HS6ST2: variants seen among roughly 807,000 people sequenced by gnomAD.
HS6ST2 encodes heparan sulfate 6-O-sulfotransferase 2, also known as heparan-sulfate 6-O-sulfotransferase 2.
In HS6ST2, 17 loss-of-function variants were observed where a neutral mutation model predicts 33.0. That is an observed-to-expected ratio of 0.52 (90% CI 0.35 to 0.77). The LOEUF (loss-of-function observed/expected upper bound fraction) is 0.77, where lower values mean the gene tolerates loss of function less well. Ranked by LOEUF, HS6ST2 falls within the 30% of genes least tolerant of loss-of-function variation. HS6ST2 has a pLI of 0.01. For missense variants in HS6ST2, 519 were observed against 551.7 expected (o/e 0.94, Z 0.59); for synonymous variants, 248 against 237.1 (o/e 1.05, Z -0.42).
chrX:132,909,766 G>A (rs2066514253), intron 2 of HS6ST2, among the ~76,000 whole-genome samples: 1 of 110,919 alleles, frequency 9.0e-6, no homozygotes, highest in Non-Finnish European at 1.9e-5. Flanking sequence ...TCTTACCCTG[G>A]TTTCCCTCCA....
chrX:132,648,925 T>C (rs781327292), intron 4 of HS6ST2, among the ~76,000 whole-genome samples: 2 of 112,037 alleles, frequency 1.8e-5, no homozygotes, highest in African/African-American at 6.5e-5. Context: ...GAAATGTGTG[T>C]GGGGTAACAC....
intron 2 of HS6ST2, among the ~76,000 whole-genome samples, chrX:132,863,047 A>G (rs1485422404): frequency 8.9e-6 from 1 of 111,824 alleles, no homozygotes; most frequent in Non-Finnish European, 1.9e-5. Flanking sequence ...ATTCTTCAGG[A>G]TTGGGATCTG....
At chrX:132,865,749 T>C (rs1340238553) in intron 2 of HS6ST2, among the ~76,000 whole-genome samples, 24 of 112,596 alleles carry the variant, frequency 2.1e-4, no homozygotes, top group African/African-American at 7.1e-4. Context: ...CATTATTTCA[T>C]GTGTTTTTTG....
intron 2 of HS6ST2, among the ~76,000 whole-genome samples, chrX:132,883,333 A>G (rs1370020158): frequency 4.5e-5 from 5 of 111,267 alleles, no homozygotes; most frequent in Admixed American, 9.6e-5. Flanking sequence ...TCAGGGATTC[A>G]ACTTCTTCCT....
In HS6ST2 at chrX:132,752,979, C is replaced by T. The variant is rs541272145; in HGVS notation, c.948-44485G>A. Among the ~76,000 whole-genome samples, 59 of 112,389 alleles carry T rather than the reference C, an allele frequency of 5.2e-4. No homozygotes were observed. The South Asian group carries it at 0.021, about 41-fold the overall frequency. On this transcript the variant is annotated intron_variant, in intron 2 of 4. Coordinates refer to ENST00000370833, the MANE Select transcript of HS6ST2 (RefSeq NM_001394073.1). The stretch of plus-strand genomic sequence containing the variant: ...CTATCTGAGAGGCAGGCCCAGGCAG[C>T]AGAGGGGCCAATGCTCTTTGCGAGG...
At chrX:132,961,177 G>A (rs772642844), upstream of HS6ST2, 1 of 109,196 alleles carries the variant, frequency 9.2e-6, no homozygotes, top group East Asian at 2.9e-4. Context: ...TCAAGTGTTC[G>A]GTTTTCCATC....
chrX:132,854,273 A>G (rs960826000), intron 2 of HS6ST2, among the ~76,000 whole-genome samples: 2 of 112,412 alleles, frequency 1.8e-5, no homozygotes, highest in Non-Finnish European at 3.8e-5. Context: ...ACTCAGACTT[A>G]ATTACTTTTC....
At chrX:132,940,741 A>G (rs894024748) in intron 2 of HS6ST2, among the ~76,000 whole-genome samples, 9 of 111,623 alleles carry the variant, frequency 8.1e-5, no homozygotes, top group African/African-American at 2.3e-4. Flanking sequence ...ACAACTTCAC[A>G]CTCCTAAGAT....
intron 2 of HS6ST2, among the ~76,000 whole-genome samples, chrX:132,781,215 C>T (rs2065014299): frequency 8.9e-6 from 1 of 111,877 alleles, no homozygotes; most frequent in African/African-American, 3.3e-5. Context: ...GACAATAACC[C>T]AATTGGTTTG....
At chrX:132,946,731 C>T (rs915878864) in intron 2 of HS6ST2, among the ~76,000 whole-genome samples, 5 of 111,728 alleles carry the variant, frequency 4.5e-5, no homozygotes, top group African/African-American at 6.5e-5. Flanking sequence ...TAAACCTGCA[C>T]GTTGTGCACA....
intron 2 of HS6ST2, among the ~76,000 whole-genome samples, chrX:132,827,233 C>T: frequency 9.0e-6 from 1 of 111,451 alleles, no homozygotes; most frequent in East Asian, 2.8e-4. Context: ...TTTGTCACAG[C>T]ATTATTCAAG....
intron 4 of HS6ST2, among the ~76,000 whole-genome samples, chrX:132,634,885 A>G (rs559256644): frequency 9.0e-6 from 1 of 111,174 alleles, no homozygotes; most frequent in East Asian, 2.8e-4. Flanking sequence ...TCTCTCAGCT[A>G]TGGTGCAAGT....
intron 2 of HS6ST2, among the ~76,000 whole-genome samples, chrX:132,820,824 G>A (rs951791092): frequency 2.7e-5 from 3 of 110,804 alleles, no homozygotes; most frequent in Non-Finnish European, 5.7e-5. Flanking sequence ...TGATGATAGG[G>A]TATGCAGTGT....
rs775579950 is a variant in HS6ST2, at chrX:132,627,652, C to G, written c.*571G>C. 1 of 111,934 alleles carries G rather than the reference C, an allele frequency of 8.9e-6. No homozygotes were observed. The highest frequency in any genetic ancestry group is 2.8e-4 in the East Asian group (1 of 3,562). 9.2% of individuals were successfully genotyped at this position (111,934 alleles called of 1,213,427 possible). A position where few individuals can be genotyped will look rare whatever the true frequency, so the allele number is the denominator to read the frequency against. On this transcript the variant is annotated 3_prime_UTR_variant, in exon 5 of 5. Transcript: ENST00000370833. ...AGCCAATATTTTGACATAAAACTACCCATGTTTGGAGAGGAATTTTTTATT... is the reference window on the plus strand; with the variant it reads ...AGCCAATATTTTGACATAAAACTACGCATGTTTGGAGAGGAATTTTTTATT...
At chrX:132,902,140 A>T (rs1402740845) in intron 2 of HS6ST2, among the ~76,000 whole-genome samples, 6 of 104,865 alleles carry the variant, frequency 5.7e-5, no homozygotes, top group African/African-American at 2.1e-4. Flanking sequence ...CTTGCTCTTT[A>T]ACCCAGGCTG....
intron 3 of HS6ST2, among the ~76,000 whole-genome samples, chrX:132,685,512 CAA>C (rs1375762051): frequency 1.8e-5 from 2 of 111,245 alleles, no homozygotes; most frequent in Non-Finnish European, 3.8e-5. Flanking sequence ...GTGTTGTACC[CAA>C]TGCATGCTGG....
intron 2 of HS6ST2, among the ~76,000 whole-genome samples, chrX:132,922,737 G>A (rs1057289789): frequency 2.7e-5 from 3 of 111,137 alleles, no homozygotes; most frequent in African/African-American, 9.8e-5. Context: ...TCAGAAAGGC[G>A]GAACAACTTG....
intron 2 of HS6ST2, among the ~76,000 whole-genome samples, chrX:132,844,267 G>A (rs894870439): frequency 4.5e-5 from 5 of 111,235 alleles, no homozygotes; most frequent in Non-Finnish European, 7.5e-5. Context: ...CCTTTTCAGG[G>A]AAGCCACTGA....
At chrX:132,741,371 C>T (rs2064576307) in intron 2 of HS6ST2, among the ~76,000 whole-genome samples, 1 of 107,400 alleles carries the variant, frequency 9.3e-6, no homozygotes, top group African/African-American at 3.4e-5. Flanking sequence ...GTGATCTTGG[C>T]TCACTGAAGC....
Sources: allele counts gnomAD v4.1 joint callset (sites outside exome capture counted in the v4.1 genomes callset), GRCh38; gene constraint gnomAD v4.1.1; transcripts MANE v1.5; gene names NCBI Gene and HGNC (gene_info 2026-07-23, HGNC 2026-07-21).